AMACR: variants seen among roughly 807,000 people sequenced by gnomAD.
The protein encoded by AMACR is 2-methylacyl-CoA racemase.
Under a neutral mutation model 22.2 loss-of-function variants are expected in AMACR, and 18 were observed. That is an observed-to-expected ratio of 0.81 (90% confidence interval 0.56 to 1.20). The LOEUF is 1.20. Among genes scored for constraint, AMACR ranks in the 50% most tolerant of loss-of-function variants. The pLI is 0.00. For missense variants in AMACR, 499 were observed against 490.6 expected, an observed-to-expected ratio of 1.02 and a Z score of -0.16; for synonymous variants, 213 against 191.3, an observed-to-expected ratio of 1.11 and a Z score of -0.94.
At position 34,007,801 on chromosome 5, in the gene AMACR, C is replaced by T. The variant is rs1754038007; in HGVS notation, c.219G>A (p.Ser73=). The part of the protein sequence containing the change: ...AAVLRRLCKR[S]DVLLEPFRRG... The stretch of plus-strand genomic sequence containing the variant: ...GGCGGAAGGGCTCCAGCAGCACATC[C>T]GACCGCTTGCACAGACGCCGCAGCA... The change falls in exon 1 of 5, where the codon TCG becomes TCA. Residue 73 remains serine, a synonymous_variant. Transcript: ENST00000335606. 6.4e-7 allele frequency: 1 copy of T among 1,571,786 alleles called. No individual in the cohort carries two copies. Among genetic ancestry groups the T allele is most frequent in the Non-Finnish European group, 8.6e-7 (1 of 1,163,696 alleles).
rs983962857 is a variant in AMACR, at chr5:33,986,477, A to G, written c.*2616T>C. On this transcript the variant is annotated 3_prime_UTR_variant, in exon 5 of 5. Transcript: ENST00000335606. Reference sequence around the variant, plus strand: ...ATACCTGGCACCTAGTAGATCCTCAATAAACATTTGCTAAAGGAATTACTG... The same window carrying G: ...ATACCTGGCACCTAGTAGATCCTCAGTAAACATTTGCTAAAGGAATTACTG... 1 of 152,220 alleles carries G rather than the reference A, an allele frequency of 6.6e-6. No individual in the cohort carries two copies. The highest frequency in any genetic ancestry group is 1.5e-5 in the Non-Finnish European group (1 of 68,034). 9.4% of individuals were successfully genotyped at this position (152,220 alleles called of 1,614,324 possible).
At chr5:33,992,240 GGTTATATAAATTTTA>G (rs1753503353) in intron 4 of AMACR, among the ~76,000 whole-genome samples, 1 of 151,940 alleles carries the variant, frequency 6.6e-6, no homozygotes, top group African/African-American at 2.4e-5. Flanking sequence ...ATAGGGAATT[GGTTATATAAATTTTA>G]GTACAGGCAG....
In AMACR at chr5:33,989,112, T is replaced by G. The variant is rs778414134; in HGVS notation, c.1130A>C (p.Lys377Thr). The change falls in exon 5 of 5, where the codon AAG becomes ACG. Residue 377 changes from lysine (K) to threonine (T), a missense_variant. Transcript: ENST00000335606. ...TGGAAGTTAGAGACTAGCTTTTACC[T>G]TATTACTTTCAATGATTTTATCTGA... Reference protein sequence around the residue: ...LNSDKIIESNKVKASL With the variant: ...LNSDKIIESNTVKASL 1 of 1,614,216 alleles carries G rather than the reference T, an allele frequency of 6.2e-7. No individual in the cohort carries two copies. Among genetic ancestry groups the G allele is most frequent in the Non-Finnish European group, 8.5e-7 (1 of 1,180,032 alleles).
At chr5:34,000,678 T>C (rs529785109) in intron 3 of AMACR, among the ~76,000 whole-genome samples, 1 of 152,186 alleles carries the variant, frequency 6.6e-6, no homozygotes, top group African/African-American at 2.4e-5. Flanking sequence ...GTAAAAACTA[T>C]GGATATTTTT....
At position 33,994,226 on chromosome 5, in the gene AMACR, C is replaced by T. The variant is rs543057298; in HGVS notation, c.739+4415G>A. ...ACAGAGTCTCGCTCTGTCACCCAGG[C>T]TGGAGGGCAGTGATGCGATCTCAGT... is the stretch of plus-strand genomic sequence containing the variant. On this transcript the variant is annotated intron_variant, in intron 4 of 4. Coordinates refer to ENST00000335606, the MANE Select transcript of AMACR (RefSeq NM_014324.6). The T allele has an allele frequency of 5.0e-5, 17 of 339,982 alleles. No individual in the cohort carries two copies. In the East Asian group the frequency reaches 1.3e-3, roughly 27 times the overall value. 21.1% of individuals were successfully genotyped at this position (339,982 alleles called of 1,614,324 possible).
Position 33,989,070 on chromosome 5 carries a change from C to T in AMACR, c.*23G>A, listed in dbSNP as rs376816220. On this transcript the variant is annotated 3_prime_UTR_variant, in exon 5 of 5. Transcript: ENST00000335606. ...ACACTGTAAATGCAGTATTCAAATT[C>T]ACTTGAGCCGTGGGCCTGGAAGTTA... The T allele has an allele frequency of 1.3e-5, 21 of 1,613,810 alleles. No homozygotes were observed. In the African/African-American group the frequency reaches 2.7e-4, roughly 21 times the overall value.
At chr5:33,994,453 A>G (rs1753577698) in intron 4 of AMACR, among the ~76,000 whole-genome samples, 1 of 152,232 alleles carries the variant, frequency 6.6e-6, no homozygotes, top group Admixed American at 6.5e-5. Context: ...TGCTGGGATT[A>G]CAGGCATAGC....
At chr5:34,007,516 G>A (rs1754020120) in intron 1 of AMACR, among the ~76,000 whole-genome samples, 1 of 152,164 alleles carries the variant, frequency 6.6e-6, no homozygotes, top group Admixed American at 6.5e-5. Flanking sequence ...AAAAAAGGAG[G>A]AATTTGGGAA....
intron 3 of AMACR, among the ~76,000 whole-genome samples, chr5:34,001,470 G>T (rs1304319382): frequency 2.0e-5 from 3 of 152,216 alleles, no homozygotes; most frequent in Non-Finnish European, 4.4e-5. Context: ...GCTGTGATTG[G>T]CTGAGACTTG....
Position 33,988,932 on chromosome 5 carries a change from A to C in AMACR, c.*161T>G, listed in dbSNP as rs553247803. On this transcript the variant is annotated 3_prime_UTR_variant, in exon 5 of 5. Transcript: ENST00000335606. ...AGCCCTAATGATAACCATTTTTAGA[A>C]TTCAATCATCACTGTAGAATCAGAG... The C allele has an allele frequency of 2.2e-4, 320 of 1,446,870 alleles. 6 individuals are homozygous for C. The South Asian group carries it at 4.1e-3, about 19-fold the overall frequency. The allele number at this position is 1,446,870 out of a possible 1,614,324, so 89.6% of individuals were successfully genotyped here. A position where few individuals can be genotyped will look rare whatever the true frequency, so the allele number is the denominator to read the frequency against.
At chr5:33,992,545 C>T (rs1753515207) in intron 4 of AMACR, among the ~76,000 whole-genome samples, 1 of 151,790 alleles carries the variant, frequency 6.6e-6, no homozygotes. Context: ...CCTGTCTCTA[C>T]AAAAAAATCA....
chr5:33,988,363 TGAG>T lies in AMACR; in HGVS notation c.*727_*729del. 1 of 1,540,040 alleles carries T rather than the reference TGAG, an allele frequency of 6.5e-7. No homozygotes were observed. Among genetic ancestry groups the T allele is most frequent in the African/African-American group, 1.4e-5 (1 of 73,292 alleles). ...TAAGATCCAGAACTTGCTACCAGCC[TGAG>T]GAGAAATCAAACACATGGAGAAAGG... is the stretch of plus-strand genomic sequence containing the variant. On this transcript the variant is annotated 3_prime_UTR_variant, in exon 5 of 5. Transcript: ENST00000335606.
intron 3 of AMACR, among the ~76,000 whole-genome samples, chr5:34,002,936 CAGG>C (rs1753862818): frequency 6.6e-6 from 1 of 152,170 alleles, no homozygotes; most frequent in Admixed American, 6.5e-5. Context: ...TCACCATGAA[CAGG>C]AGAAGGAAGC....
At chr5:33,994,210 C>T (rs1038280545) in intron 4 of AMACR, 6 of 362,058 alleles carry the variant, frequency 1.7e-5, no homozygotes, top group African/African-American at 4.2e-5. Flanking sequence ...GACAGAGTCT[C>T]GCTCTGTCAC....
chr5:33,995,141 C>G (rs1753598160), intron 4 of AMACR, among the ~76,000 whole-genome samples: 1 of 152,192 alleles, frequency 6.6e-6, no homozygotes, highest in African/African-American at 2.4e-5. Context: ...GGACATGAAC[C>G]ATGTCCATCC....
Position 33,988,908 on chromosome 5 carries a change from G to C in AMACR, c.*185C>G, listed in dbSNP as rs1339100628. The C allele has an allele frequency of 2.8e-6, 4 of 1,423,448 alleles. No homozygotes were observed. In the East Asian group the frequency reaches 1.0e-4, roughly 36 times the overall value. The allele number at this position is 1,423,448 out of a possible 1,614,324, so 88.2% of individuals were successfully genotyped here. On this transcript the variant is annotated 3_prime_UTR_variant, in exon 5 of 5. Transcript: ENST00000335606. Reference sequence around the variant, plus strand: ...GTACCCAAAGTTTTATAAATCAAAAGCCCTAATGATAACCATTTTTAGAAT... The same window carrying C: ...GTACCCAAAGTTTTATAAATCAAAACCCCTAATGATAACCATTTTTAGAAT...
intron 2 of AMACR, 98 bp downstream of exon 2, chr5:34,005,658 G>A (rs1579585191): frequency 1.4e-6 from 2 of 1,441,406 alleles, no homozygotes; most frequent in East Asian, 2.4e-5. Flanking sequence ...TCTGATAAAT[G>A]TTTAAATTTT....
intron 3 of AMACR, among the ~76,000 whole-genome samples, chr5:34,001,235 T>C (rs1164258486): frequency 6.6e-6 from 1 of 152,114 alleles, no homozygotes; most frequent in Non-Finnish European, 1.5e-5. Context: ...AATTTAAGAG[T>C]TTAACTGAGC....
chr5:33,997,325 A>G, intron 4 of AMACR: 1 of 774,518 alleles, frequency 1.3e-6, no homozygotes, highest in Non-Finnish European at 2.4e-6. Context: ...TGAGTGTAAC[A>G]TAAATTTTTA....
Sources: gnomAD v4.1 joint callset for allele counts (sites outside exome capture counted in the v4.1 genomes callset) on GRCh38, gnomAD v4.1.1 for gene constraint, MANE v1.5 for transcripts, NCBI Gene and HGNC (gene_info 2026-07-23, HGNC 2026-07-21) for gene names.